The following ZNF407 variants were observed in gnomAD, a reference collection of about 807,000 sequenced individuals.
ZNF407 encodes the protein zinc finger protein 407.
In ZNF407, 17 loss-of-function variants were observed where a neutral mutation model predicts 131.2. The ratio of observed to expected loss-of-function variants is 0.13; its 90% CI spans 0.09 to 0.19. The LOEUF is 0.19. Among genes scored for constraint, ZNF407 ranks in the 10% least tolerant of loss-of-function variants. ZNF407 has a pLI of 1.00. For synonymous variants in ZNF407, 1,156 were observed against 1,062.0 expected (o/e 1.09, Z -1.72); for missense variants, 2,681 against 2,830.6 (o/e 0.95, Z 1.20).
intron 8 of ZNF407, among the ~76,000 whole-genome samples, chr18:75,021,229 T>G (rs936674643): frequency 2.0e-5 from 3 of 152,028 alleles, no homozygotes; most frequent in Admixed American, 2.0e-4. Flanking sequence ...ATATATGTAT[T>G]TATATTTGTG....
intron 4 of ZNF407, among the ~76,000 whole-genome samples, chr18:74,833,013 A>G (rs1040951194): frequency 6.6e-6 from 1 of 152,250 alleles, no homozygotes; most frequent in Non-Finnish European, 1.5e-5. Flanking sequence ...GTGGTGTTCC[A>G]TGATCACGAA....
chr18:74,701,208 G>T (rs1967485829), intron 3 of ZNF407, among the ~76,000 whole-genome samples: 1 of 152,132 alleles, frequency 6.6e-6, no homozygotes, highest in Non-Finnish European at 1.5e-5. Context: ...GTTGTCTGAG[G>T]CTCCAGGCTG....
intron 1 of ZNF407, among the ~76,000 whole-genome samples, chr18:74,623,548 T>TTCATTTGACTGAAATAA (rs1210472682): frequency 6.6e-6 from 1 of 152,240 alleles, no homozygotes; most frequent in Non-Finnish European, 1.5e-5. Context: ...GTGAAATGGT[T>TTCATTTGACTGAAATAA]TCATTTGACT....
chr18:74,871,315 TATTAA>T (rs945322793), intron 4 of ZNF407, among the ~76,000 whole-genome samples: 1 of 152,208 alleles, frequency 6.6e-6, no homozygotes, highest in Admixed American at 6.5e-5. Flanking sequence ...ATCATATAAT[TATTAA>T]ATTATTATCT....
intron 8 of ZNF407, among the ~76,000 whole-genome samples, chr18:74,973,673 A>G (rs1339202409): frequency 6.6e-6 from 1 of 152,222 alleles, no homozygotes; most frequent in African/African-American, 2.4e-5. Context: ...AGCAACAGAA[A>G]TGTATTGTCT....
chr18:75,021,688 T>C (rs1973112385), intron 8 of ZNF407, among the ~76,000 whole-genome samples: 1 of 152,122 alleles, frequency 6.6e-6, no homozygotes, highest in East Asian at 1.9e-4. Flanking sequence ...TTTAGAACCT[T>C]ATTGGATATA....
chr18:74,747,341 C>T (rs1019837016), intron 3 of ZNF407, among the ~76,000 whole-genome samples: 1 of 152,082 alleles, frequency 6.6e-6, no homozygotes, highest in African/African-American at 2.4e-5. Context: ...ATGCGTAATA[C>T]ATTTATTATG....
At chr18:74,663,913 TAG>T (rs1343987506) in intron 3 of ZNF407, among the ~76,000 whole-genome samples, 1 of 152,088 alleles carries the variant, frequency 6.6e-6, no homozygotes, top group African/African-American at 2.4e-5. Context: ...ACCCGGAAGG[TAG>T]AGAGACGCTG....
At chr18:74,950,999 CT>C (rs201984051) in intron 8 of ZNF407, among the ~76,000 whole-genome samples, 13 of 151,550 alleles carry the variant, frequency 8.6e-5, no homozygotes, top group South Asian at 4.2e-4. Context: ...TCAGATGCAA[CT>C]TTTTTTTTCC....
At chr18:74,666,507 C>G (rs548183815) in intron 3 of ZNF407, among the ~76,000 whole-genome samples, 1 of 152,184 alleles carries the variant, frequency 6.6e-6, no homozygotes, top group Non-Finnish European at 1.5e-5. Context: ...CCTGTATCCT[C>G]CCGCTCTGCT....
intron 8 of ZNF407, among the ~76,000 whole-genome samples, chr18:74,974,283 A>AC (rs1385141150): frequency 6.6e-6 from 1 of 152,172 alleles, no homozygotes; most frequent in East Asian, 1.9e-4. Flanking sequence ...TTCTTCCCAT[A>AC]CAGTTCAATA....
intron 1 of ZNF407, among the ~76,000 whole-genome samples, chr18:74,618,542 G>A (rs1983405108): frequency 1.3e-5 from 2 of 151,970 alleles, no homozygotes; most frequent in Non-Finnish European, 2.9e-5. Context: ...TTAGTCTGAG[G>A]GCCTCAATCA....
chr18:74,666,324 C>G (rs1273159503), intron 3 of ZNF407, among the ~76,000 whole-genome samples: 1 of 152,196 alleles, frequency 6.6e-6, no homozygotes, highest in Non-Finnish European at 1.5e-5. Flanking sequence ...AGAGTCCAGA[C>G]AGGCCGGGGA....
At chr18:74,718,107 T>C (rs1310407154) in intron 3 of ZNF407, among the ~76,000 whole-genome samples, 1 of 152,174 alleles carries the variant, frequency 6.6e-6, no homozygotes, top group African/African-American at 2.4e-5. Context: ...GTATACATTT[T>C]GATGGGTTCT....
At chr18:74,869,567 G>A (rs1257795868) in intron 4 of ZNF407, among the ~76,000 whole-genome samples, 1 of 152,178 alleles carries the variant, frequency 6.6e-6, no homozygotes, top group Non-Finnish European at 1.5e-5. Flanking sequence ...CCCTGAGAAT[G>A]GGGCTTAATG....
chr18:74,672,371 G>T (rs185325674), intron 3 of ZNF407, among the ~76,000 whole-genome samples: 5 of 152,080 alleles, frequency 3.3e-5, no homozygotes, highest in East Asian at 3.9e-4. Flanking sequence ...GTGTCTGTTC[G>T]TTGGAGCACT....
chr18:74,945,313 G>A (rs372740576), intron 8 of ZNF407, among the ~76,000 whole-genome samples: 5 of 152,240 alleles, frequency 3.3e-5, no homozygotes, highest in South Asian at 4.1e-4. Flanking sequence ...CTGGATTGCC[G>A]TGTGTCCTAT....
chr18:74,862,795 T>G (rs1461342483), intron 4 of ZNF407, among the ~76,000 whole-genome samples: 2 of 152,222 alleles, frequency 1.3e-5, no homozygotes, highest in African/African-American at 4.8e-5. Flanking sequence ...TAGTCCCTGG[T>G]CAGATCTGTG....
chr18:74,600,857 C>A (rs1015549198), intron 1 of ZNF407, among the ~76,000 whole-genome samples: 1 of 152,156 alleles, frequency 6.6e-6, no homozygotes, highest in Non-Finnish European at 1.5e-5. Flanking sequence ...GAAATGTAGG[C>A]AGCATAGTGA....
Sources: gnomAD v4.1 joint callset for allele counts (sites outside exome capture counted in the v4.1 genomes callset) on GRCh38, gnomAD v4.1.1 for gene constraint, MANE v1.5 for transcripts, NCBI Gene and HGNC (gene_info 2026-07-23, HGNC 2026-07-21) for gene names.